SEC61A2: variants seen among roughly 807,000 people sequenced by gnomAD.
The protein encoded by SEC61A2 is protein transport protein Sec61 subunit alpha isoform 2.
SEC61A2 carries 28 observed loss-of-function variants against 59.9 expected under a neutral mutation model. The ratio of observed to expected loss-of-function variants is 0.47; its 90% CI spans 0.35 to 0.64. SEC61A2 has a LOEUF of 0.64. Among genes scored for constraint, SEC61A2 ranks in the 30% least tolerant of loss-of-function variants. SEC61A2 has a pLI of 0.01. For synonymous variants in SEC61A2, 202 were observed against 214.4 expected (o/e 0.94, Z 0.50); for missense variants, 340 against 585.9 (o/e 0.58, Z 4.33).
intron 9 of SEC61A2, among the ~76,000 whole-genome samples, chr10:12,159,943 T>C (rs545518202): frequency 6.6e-6 from 1 of 152,288 alleles, no homozygotes; most frequent in African/African-American, 2.4e-5. Context: ...ACTCATATAT[T>C]AGTTGAAGGG....
At chr10:12,132,884 T>A (rs1833792457) in intron 1 of SEC61A2, among the ~76,000 whole-genome samples, 1 of 152,136 alleles carries the variant, frequency 6.6e-6, no homozygotes, top group Non-Finnish European at 1.5e-5. Context: ...TTTGTATATG[T>A]AAAATGATTG....
intron 3 of SEC61A2, among the ~76,000 whole-genome samples, chr10:12,139,628 G>C (rs1054559742): frequency 6.6e-6 from 1 of 151,754 alleles, no homozygotes; most frequent in Non-Finnish European, 1.5e-5. Flanking sequence ...ACTAAAAATA[G>C]AAAAAATTAG....
chr10:12,152,360 G>A lies in SEC61A2; in HGVS notation c.462+2399G>A, dbSNP rs1367359552. On this transcript the variant is annotated intron_variant, in intron 6 of 11. Transcript: ENST00000298428. This position sits in a 1 kb window ranked among gnomAD's most constrained non-coding sequence, Gnocchi z 5.5. Reference sequence around the variant, plus strand: ...CTTCCAAAATGCTGGGATTACAGGCGTGAGCCACCACGCCCCGCCCAGGGC... The same window carrying A: ...CTTCCAAAATGCTGGGATTACAGGCATGAGCCACCACGCCCCGCCCAGGGC... 1.3e-5 allele frequency among the ~76,000 whole-genome samples: 2 copies of A among 152,122 alleles called. No homozygotes were observed. The highest frequency in any genetic ancestry group is 2.4e-5 in the African/African-American group (1 of 41,438).
Position 12,158,739 on chromosome 10 carries a change from A to C in SEC61A2, c.975+634A>C, listed in dbSNP as rs1300276224. ...AACGAGACTCCGTCTCCAAAAAATA[A>C]AAACAAAAAATGCTATTTGCTGCTG... On this transcript the variant is annotated intron_variant, in intron 9 of 11. Coordinates refer to ENST00000298428, the MANE Select transcript of SEC61A2 (RefSeq NM_018144.4). The surrounding 1 kb of genome is among the most constrained non-coding windows in gnomAD (Gnocchi z 5.7). Among the ~76,000 whole-genome samples the C allele has an allele frequency of 2.0e-5, 3 of 152,064 alleles. No homozygotes were observed. The highest frequency in any genetic ancestry group is 4.4e-5 in the Non-Finnish European group (3 of 68,004).
In SEC61A2 at chr10:12,165,286, A is replaced by G; in HGVS notation, c.*832A>G. ...GGTGAACAATGAATATATTCATGCT[A>G]GGAATTTGTGTCTGTTGTTGTACTC... On this transcript the variant is annotated 3_prime_UTR_variant, in exon 12 of 12. Transcript: ENST00000298428. The G allele has an allele frequency of 2.0e-6, 2 of 985,424 alleles. No individual in the cohort carries two copies. The highest frequency in any genetic ancestry group is 2.4e-6 in the Non-Finnish European group (2 of 829,908). The allele number at this position is 985,424 out of a possible 1,614,324, so 61.0% of individuals were successfully genotyped here.
chr10:12,158,276 G>A lies in SEC61A2; in HGVS notation c.975+171G>A. 1 of 596,776 alleles carries A rather than the reference G, an allele frequency of 1.7e-6. No individual in the cohort carries two copies. The highest frequency in any genetic ancestry group is 2.9e-6 in the Non-Finnish European group (1 of 349,264). The allele number at this position is 596,776 out of a possible 1,614,324, so 37.0% of individuals were successfully genotyped here. The stretch of plus-strand genomic sequence containing the variant: ...GGAAGAACTGGTAAGTGTTGCAGAA[G>A]TAAGATTGCCCAAGCGCTTTTTATT... On this transcript the variant is annotated intron_variant, in intron 9 of 11. Transcript: ENST00000298428. The surrounding 1 kb of genome is among the most constrained non-coding windows in gnomAD (Gnocchi z 5.7).
chr10:12,131,170 C>T (rs1197544382), intron 1 of SEC61A2, among the ~76,000 whole-genome samples: 1 of 152,190 alleles, frequency 6.6e-6, no homozygotes, highest in Admixed American at 6.6e-5. Flanking sequence ...GAAACTCCGT[C>T]TCGAAATAAA....
intron 3 of SEC61A2, among the ~76,000 whole-genome samples, chr10:12,138,305 T>C (rs953725373): frequency 1.3e-5 from 2 of 152,082 alleles, no homozygotes; most frequent in Non-Finnish European, 2.9e-5. Flanking sequence ...AAAAAAAGAA[T>C]AGTCATCCAT....
chr10:12,168,027 AT>A (rs34620432), downstream of SEC61A2: 43,863 of 606,538 alleles, frequency 0.072, no homozygotes, highest in South Asian at 0.12. This position sits in a 1 kb window ranked among gnomAD's most constrained non-coding sequence, Gnocchi z 4.8. Context: ...AGGGATAATG[AT>A]TTTTTTTTTT....
At chr10:12,135,237 G>A (rs1182314566) in intron 2 of SEC61A2, among the ~76,000 whole-genome samples, 2 of 152,010 alleles carry the variant, frequency 1.3e-5, no homozygotes, top group African/African-American at 4.8e-5. Flanking sequence ...GATAGGTGCA[G>A]CAAACCACCA....
rs905148597 is a variant in SEC61A2, at chr10:12,145,495, T to C, written c.220+2300T>C. 6.6e-6 allele frequency among the ~76,000 whole-genome samples: 1 copy of C among 152,244 alleles called. No homozygotes were observed. The highest frequency in any genetic ancestry group is 2.4e-5 in the African/African-American group (1 of 41,468). On this transcript the variant is annotated intron_variant, in intron 4 of 11. Transcript: ENST00000298428. This position sits in a 1 kb window ranked among gnomAD's most constrained non-coding sequence, Gnocchi z 4.4. ...TGGATATTATTAGTATTTTAGTCTT[T>C]GTTAGTCAGAGAGGTAAAAGCTGGC...
At chr10:12,151,352 G>A (rs919211069) in intron 6 of SEC61A2, among the ~76,000 whole-genome samples, 13 of 144,552 alleles carry the variant, frequency 9.0e-5, no homozygotes, top group Admixed American at 8.3e-4. Context: ...TTGCTGTGTC[G>A]CCAGGCTGAA....
At chr10:12,138,364 TA>T (rs1182927090) in intron 3 of SEC61A2, among the ~76,000 whole-genome samples, 1 of 150,948 alleles carries the variant, frequency 6.6e-6, no homozygotes, top group Non-Finnish European at 1.5e-5. Context: ...TCCCCACCAT[TA>T]AAAAAAAAGT....
At chr10:12,141,052 G>A (rs1564409054) in intron 3 of SEC61A2, among the ~76,000 whole-genome samples, 2 of 151,902 alleles carry the variant, frequency 1.3e-5, no homozygotes, top group South Asian at 4.1e-4. Context: ...GGCACGAGCC[G>A]CCACTCCCTG....
intron 1 of SEC61A2, chr10:12,130,938 C>G (rs1285314172): frequency 1.3e-5 from 2 of 152,158 alleles, no homozygotes; most frequent in East Asian, 3.9e-4. Context: ...TTTGGGAGGC[C>G]GAGGAGGGCG....
downstream of SEC61A2, chr10:12,169,220 T>C (rs1364704767): frequency 7.2e-7 from 1 of 1,396,324 alleles, no homozygotes; most frequent in Admixed American, 2.0e-5. The surrounding 1 kb of genome is among the most constrained non-coding windows in gnomAD (Gnocchi z 4.8). Context: ...TCTCTCCACC[T>C]CCCCTCACTT....
At chr10:12,141,018 G>A (rs1391288410) in intron 3 of SEC61A2, among the ~76,000 whole-genome samples, 2 of 151,928 alleles carry the variant, frequency 1.3e-5, no homozygotes, top group South Asian at 2.1e-4. Context: ...TCCTACCTCC[G>A]CCTCCTGAGT....
intron 6 of SEC61A2, among the ~76,000 whole-genome samples, 197 bp downstream of exon 6, chr10:12,150,158 GACGTGA>G (rs1322530312): frequency 3.3e-5 from 5 of 152,122 alleles, no homozygotes; most frequent in Non-Finnish European, 5.9e-5. Context: ...AAGTTGTGTT[GACGTGA>G]AAAATTCAAA....
At chr10:12,139,968 CAAAAAAA>C (rs776277274) in intron 3 of SEC61A2, among the ~76,000 whole-genome samples, 1 of 52,580 alleles carries the variant, frequency 1.9e-5, no homozygotes. Flanking sequence ...GACTCCATCT[CAAAAAAA>C]AAAAAAAAAA....
Sources: gnomAD v4.1 joint callset for allele counts (sites outside exome capture counted in the v4.1 genomes callset) on GRCh38, gnomAD v4.1.1 for gene constraint, Gnocchi (gnomAD v3.1) non-coding constraint, MANE v1.5 for transcripts, NCBI Gene and HGNC (gene_info 2026-07-23, HGNC 2026-07-21) for gene names.